Variants in FSTL5 observed in about 807,000 individuals in gnomAD.
The protein encoded by FSTL5 is follistatin like 5, also known as follistatin-related protein 5.
FSTL5 carries 62 observed loss-of-function variants against 89.1 expected under a neutral mutation model. That is an observed-to-expected ratio of 0.70 (90% confidence interval 0.57 to 0.86). FSTL5 has a LOEUF of 0.86. Ranked by LOEUF, FSTL5 falls within the 40% of genes least tolerant of loss-of-function variation. The pLI is 0.00. For missense variants in FSTL5, 1,057 were observed against 1,001.6 expected, an observed-to-expected ratio of 1.06 and a Z score of -0.75; for synonymous variants, 383 against 346.2, an observed-to-expected ratio of 1.11 and a Z score of -1.18.
At chr4:161,722,571 T>A (rs993062459) in intron 6 of FSTL5, among the ~76,000 whole-genome samples, 1 of 152,184 alleles carries the variant, frequency 6.6e-6, no homozygotes, top group African/African-American at 2.4e-5. Flanking sequence ...TATTCTGATG[T>A]ATGTAAATTG....
At chr4:161,691,531 G>T (rs1282976141) in intron 6 of FSTL5, among the ~76,000 whole-genome samples, 2 of 152,042 alleles carry the variant, frequency 1.3e-5, no homozygotes, top group African/African-American at 4.8e-5. Flanking sequence ...CATTCCATAT[G>T]AATTTGAATA....
At chr4:161,760,661 A>G (rs1444350795) in intron 5 of FSTL5, among the ~76,000 whole-genome samples, 2 of 152,230 alleles carry the variant, frequency 1.3e-5, no homozygotes, top group Non-Finnish European at 2.9e-5. Flanking sequence ...TAATTTTTAC[A>G]TAATGCATTG....
At chr4:161,936,888 A>T (rs757540353) in intron 3 of FSTL5, among the ~76,000 whole-genome samples, 20 of 152,186 alleles carry the variant, frequency 1.3e-4, no homozygotes, top group Non-Finnish European at 2.5e-4. Context: ...TCTTCTTTGA[A>T]GAACTTTTTA....
At chr4:161,881,282 GACAC>G (rs200907985) in intron 4 of FSTL5, among the ~76,000 whole-genome samples, 1 of 150,574 alleles carries the variant, frequency 6.6e-6, no homozygotes, top group African/African-American at 2.4e-5. Flanking sequence ...GTTCTTTGAA[GACAC>G]ACACACACTT....
intron 15 of FSTL5, among the ~76,000 whole-genome samples, chr4:161,426,202 C>T (rs1732162588): frequency 1.3e-5 from 2 of 152,072 alleles, no homozygotes; most frequent in African/African-American, 2.4e-5. Context: ...ATTCAAATAA[C>T]ACTTATTTAA....
At chr4:162,135,326 T>C (rs1050899974) in intron 1 of FSTL5, among the ~76,000 whole-genome samples, 6 of 151,984 alleles carry the variant, frequency 3.9e-5, no homozygotes, top group Admixed American at 3.3e-4. Context: ...TTTGTTATAA[T>C]AAATTATATG....
chr4:161,666,961 C>T (rs11100381), intron 6 of FSTL5, among the ~76,000 whole-genome samples: 105,745 of 151,820 alleles, frequency 0.7, 37,336 homozygotes, highest in East Asian at 0.93. Flanking sequence ...TGTAAAACAA[C>T]GCAGAAAAAA....
At chr4:161,547,694 T>C (rs1458068758) in intron 8 of FSTL5, among the ~76,000 whole-genome samples, 1 of 151,924 alleles carries the variant, frequency 6.6e-6, no homozygotes, top group African/African-American at 2.4e-5. Flanking sequence ...TATGATCTTT[T>C]CCAAAACTGC....
chr4:161,715,785 C>A (rs954873253), intron 6 of FSTL5, among the ~76,000 whole-genome samples: 4 of 152,130 alleles, frequency 2.6e-5, no homozygotes, highest in African/African-American at 9.7e-5. Flanking sequence ...GAGCAAAATT[C>A]TAAGTCATCC....
chr4:161,709,709 T>A (rs1260013500), intron 6 of FSTL5, among the ~76,000 whole-genome samples: 4 of 151,950 alleles, frequency 2.6e-5, no homozygotes, highest in Non-Finnish European at 5.9e-5. Context: ...AGTGCGAGGA[T>A]CACTTGAGCC....
chr4:161,551,584 T>C (rs1383131294), intron 8 of FSTL5, among the ~76,000 whole-genome samples: 1 of 151,976 alleles, frequency 6.6e-6, no homozygotes, highest in African/African-American at 2.4e-5. Flanking sequence ...GACTTCAAAC[T>C]ATACTACAAG....
At chr4:162,141,314 A>G (rs1732736045) in intron 1 of FSTL5, among the ~76,000 whole-genome samples, 1 of 77,918 alleles carries the variant, frequency 1.3e-5, no homozygotes, top group Non-Finnish European at 2.9e-5. Context: ...ACGGGGTTTC[A>G]CCATGTTAGC....
chr4:161,776,189 T>C, intron 4 of FSTL5, 115 bp from the exon 5 acceptor site: 1 of 561,264 alleles, frequency 1.8e-6, no homozygotes, highest in South Asian at 5.1e-5. Context: ...ATTTTTACTT[T>C]TCTGGTGTTT....
chr4:161,613,649 C>G (rs989467023), intron 7 of FSTL5, among the ~76,000 whole-genome samples: 1 of 151,998 alleles, frequency 6.6e-6, no homozygotes, highest in Non-Finnish European at 1.5e-5. Flanking sequence ...AACACTTGAG[C>G]GAACCCAAAC....
intron 7 of FSTL5, among the ~76,000 whole-genome samples, chr4:161,611,999 T>G (rs1734672582): frequency 6.6e-6 from 1 of 152,174 alleles, no homozygotes; most frequent in African/African-American, 2.4e-5. Flanking sequence ...ATCCAGTGGT[T>G]GTTACTGGAG....
At chr4:161,428,737 A>G (rs1732249976) in intron 15 of FSTL5, among the ~76,000 whole-genome samples, 2 of 152,102 alleles carry the variant, frequency 1.3e-5, no homozygotes, top group Admixed American at 6.5e-5. Flanking sequence ...GACAGTACTC[A>G]CCATGGGCTC....
intron 4 of FSTL5, among the ~76,000 whole-genome samples, chr4:161,868,884 C>G (rs60099611): frequency 0.04 from 6,013 of 152,194 alleles, 188 homozygotes; most frequent in East Asian, 0.15. Flanking sequence ...AAGCCGTATC[C>G]TTATATACTA....
intron 15 of FSTL5, among the ~76,000 whole-genome samples, chr4:161,426,020 G>A (rs1295723748): frequency 6.6e-6 from 1 of 151,802 alleles, no homozygotes; most frequent in East Asian, 1.9e-4. Context: ...ACTTTAAAAA[G>A]GGTTGGAAAA....
intron 6 of FSTL5, among the ~76,000 whole-genome samples, chr4:161,738,673 C>T (rs1739902365): frequency 6.6e-6 from 1 of 152,104 alleles, no homozygotes; most frequent in Non-Finnish European, 1.5e-5. Context: ...AAGGTAACCA[C>T]ATTAATTGGT....
Sources: gnomAD v4.1 joint callset for allele counts (sites outside exome capture counted in the v4.1 genomes callset) on GRCh38, gnomAD v4.1.1 for gene constraint, MANE v1.5 for transcripts, NCBI Gene and HGNC (gene_info 2026-07-23, HGNC 2026-07-21) for gene names.